TBCK: variants seen among roughly 807,000 people sequenced by gnomAD.
TBCK encodes the protein TBC domain-containing protein kinase-like protein.
Under a neutral mutation model 113.4 loss-of-function variants are expected in TBCK, and 99 were observed. That is an observed-to-expected ratio of 0.87 (90% CI 0.74 to 1.03). The LOEUF (loss-of-function observed/expected upper bound fraction) is 1.03, where lower values mean the gene tolerates loss of function less well. Ranked by LOEUF, TBCK falls within the 50% of genes least tolerant of loss-of-function variation. The pLI is 0.00. For synonymous variants in TBCK, 369 were observed against 370.8 expected (o/e 1.00, Z 0.05); for missense variants, 1,045 against 1,061.3 (o/e 0.98, Z 0.21).
Position 106,236,511 on chromosome 4 carries a change from T to C in TBCK, c.1229A>G (p.Asn410Ser), listed in dbSNP as rs1323779205. The C allele has an allele frequency of 6.5e-7, 1 of 1,533,720 alleles. No individual in the cohort carries two copies. The highest frequency in any genetic ancestry group is 1.4e-5 in the African/African-American group (1 of 71,366). Residue 410 changes from asparagine (N) to serine (S), a missense_variant, in exon 14 of 26, where the codon AAT becomes AGT. By Grantham distance (46) the Asn-to-Ser change is conservative (BLOSUM62 1). Coordinates refer to ENST00000394708, the MANE Select transcript of TBCK (RefSeq NM_001163435.3). ...FYPLLEDDQS[N>S]LPHSNSNNEL... ...ATTATTGCTGTTTGAATGAGGTAAA[T>C]TAGACTGGCTGTAAAAGAGAACAAA... is the stretch of plus-strand genomic sequence containing the variant.
At chr4:106,095,732 A>T in intron 24 of TBCK, 91 bp from the exon 25 acceptor site, 1 of 1,054,322 alleles carries the variant, frequency 9.5e-7, no homozygotes, top group Admixed American at 2.5e-5. Flanking sequence ...CCCAGAAGAT[A>T]GTACTAAACA....
intron 24 of TBCK, among the ~76,000 whole-genome samples, chr4:106,100,363 C>A (rs115393494): frequency 0.027 from 4,164 of 152,234 alleles, 182 homozygotes; most frequent in African/African-American, 0.095. Context: ...TGCCTTCTGG[C>A]CACCCCAACC....
intron 3 of TBCK, among the ~76,000 whole-genome samples, chr4:106,264,882 C>A (rs1762841701): frequency 6.6e-6 from 1 of 151,778 alleles, no homozygotes; most frequent in Admixed American, 6.6e-5. Context: ...CTTATTCTTG[C>A]CTTTAAACTT....
intron 19 of TBCK, among the ~76,000 whole-genome samples, chr4:106,218,242 G>C (rs1163664043): frequency 6.7e-6 from 1 of 148,236 alleles, no homozygotes; most frequent in South Asian, 2.2e-4. Context: ...AGACTTAAAC[G>C]TTAGACCTAA....
intron 24 of TBCK, among the ~76,000 whole-genome samples, chr4:106,108,656 T>G (rs1030910429): frequency 1.2e-4 from 19 of 152,276 alleles, no homozygotes; most frequent in African/African-American, 4.6e-4. Flanking sequence ...AACATTATAC[T>G]GAAGGGGCAA....
chr4:106,098,055 A>G (rs1741138759), intron 24 of TBCK, among the ~76,000 whole-genome samples: 1 of 152,086 alleles, frequency 6.6e-6, no homozygotes, highest in Non-Finnish European at 1.5e-5. Context: ...TACAGTGGAA[A>G]ACAAGTATAC....
At chr4:106,088,913 C>A (rs1739843682) in intron 25 of TBCK, among the ~76,000 whole-genome samples, 2 of 152,154 alleles carry the variant, frequency 1.3e-5, no homozygotes, top group South Asian at 4.1e-4. Flanking sequence ...GAACAATACA[C>A]CCCATGGCTG....
chr4:106,222,728 T>C (rs1352527907), intron 19 of TBCK, among the ~76,000 whole-genome samples: 2 of 152,170 alleles, frequency 1.3e-5, no homozygotes, highest in Non-Finnish European at 2.9e-5. Context: ...GTGATAATGT[T>C]GACTCACTGC....
intron 25 of TBCK, among the ~76,000 whole-genome samples, chr4:106,051,968 C>T (rs1424833958): frequency 6.6e-6 from 1 of 151,718 alleles, no homozygotes; most frequent in Non-Finnish European, 1.5e-5. Flanking sequence ...TGATTTCTTC[C>T]CTTGATTATA....
At chr4:106,235,879 C>G (rs1447309159) in intron 14 of TBCK, among the ~76,000 whole-genome samples, 1 of 152,034 alleles carries the variant, frequency 6.6e-6, no homozygotes, top group Non-Finnish European at 1.5e-5. Context: ...TGTTAAGGTT[C>G]TTGATATATG....
At chr4:106,165,658 A>T (rs1167796535) in intron 23 of TBCK, among the ~76,000 whole-genome samples, 2 of 151,804 alleles carry the variant, frequency 1.3e-5, no homozygotes, top group African/African-American at 4.8e-5. Flanking sequence ...TAAACTTGTA[A>T]TAATGATTTT....
At chr4:106,214,938 G>T (rs1343075285) in intron 19 of TBCK, among the ~76,000 whole-genome samples, 2 of 151,754 alleles carry the variant, frequency 1.3e-5, no homozygotes, top group African/African-American at 4.8e-5. Flanking sequence ...TTGAAATGAA[G>T]GAAAAAATGT....
chr4:106,257,336 T>C (rs1346669906), intron 5 of TBCK, among the ~76,000 whole-genome samples: 1 of 152,182 alleles, frequency 6.6e-6, no homozygotes, highest in Non-Finnish European at 1.5e-5. Flanking sequence ...ATGATAAGTA[T>C]AATCAAAATG....
At chr4:106,191,486 A>G (rs1366268472) in intron 22 of TBCK, among the ~76,000 whole-genome samples, 1 of 152,190 alleles carries the variant, frequency 6.6e-6, no homozygotes, top group Non-Finnish European at 1.5e-5. Flanking sequence ...TATTTTGTTC[A>G]GGAATGAGGT....
chr4:106,071,302 T>G (rs1445196670), intron 25 of TBCK, among the ~76,000 whole-genome samples: 1 of 152,230 alleles, frequency 6.6e-6, no homozygotes, highest in Non-Finnish European at 1.5e-5. Context: ...GTTGCGTCTT[T>G]GTTCTCATTG....
intron 19 of TBCK, among the ~76,000 whole-genome samples, chr4:106,224,670 TAC>T (rs1758044459): frequency 6.6e-6 from 1 of 152,184 alleles, no homozygotes; most frequent in Non-Finnish European, 1.5e-5. Flanking sequence ...GTAACCAATA[TAC>T]AGTGTACTGT....
Position 106,270,560 on chromosome 4 carries a change from T to A in TBCK, c.267-8348A>T, listed in dbSNP as rs1047202268. Among the ~76,000 whole-genome samples the A allele has an allele frequency of 2.8e-4, 42 of 152,148 alleles. 3 individuals carry two copies. On this transcript the variant is annotated intron_variant, in intron 3 of 25. Transcript: ENST00000394708. ...TCTGTACCCTGCATCATTCCAAAGT[T>A]GTTTTTTAAATTAAAATTAATGTAT...
At chr4:106,202,149 C>A (rs1378767483) in intron 20 of TBCK, among the ~76,000 whole-genome samples, 2 of 149,390 alleles carry the variant, frequency 1.3e-5, no homozygotes, top group East Asian at 2.0e-4. Context: ...TCTGAGGTAA[C>A]CTCATTAAGT....
intron 22 of TBCK, among the ~76,000 whole-genome samples, chr4:106,172,522 A>G (rs1751156222): frequency 6.6e-6 from 1 of 152,184 alleles, no homozygotes; most frequent in Admixed American, 6.5e-5. Flanking sequence ...AATGGCATAT[A>G]TTCTCATTTC....
Sources: allele counts gnomAD v4.1 joint callset (sites outside exome capture counted in the v4.1 genomes callset), GRCh38; gene constraint gnomAD v4.1.1; transcripts MANE v1.5; gene names NCBI Gene and HGNC (gene_info 2026-07-23, HGNC 2026-07-21).